RGS5: variants seen among roughly 807,000 people sequenced by gnomAD.
RGS5 encodes regulator of G protein signaling 5, also known as regulator of G-protein signalling 5.
A neutral mutation model predicts 18.9 loss-of-function variants in RGS5; 20 were observed. The ratio of observed to expected loss-of-function variants is 1.06; its 90% CI spans 0.74 to 1.54. The LOEUF is 1.54. Ranked by LOEUF, RGS5 falls within the 40% of genes most tolerant of loss-of-function variation. The probability of loss-of-function intolerance (pLI) is 0.00; values close to 1 mark genes in which losing one functional copy is unlikely to be tolerated. For missense variants in RGS5, 201 were observed against 211.8 expected, an observed-to-expected ratio of 0.95 and a Z score of 0.32; for synonymous variants, 57 against 76.2, an observed-to-expected ratio of 0.75 and a Z score of 1.31.
At chr1:163,207,424 ACAGT>A (rs1453125371), upstream of RGS5, among the ~76,000 whole-genome samples, 1 of 152,224 alleles carries the variant, frequency 6.6e-6, no homozygotes, top group Non-Finnish European at 1.5e-5. Flanking sequence ...AAATTATCAC[ACAGT>A]CAGACCAATT....
chr1:163,286,130 C>T (rs78962765), intron 2 of RGS5, among the ~76,000 whole-genome samples: 3 of 151,676 alleles, frequency 2.0e-5, no homozygotes, highest in African/African-American at 7.3e-5. Context: ...GGAAAAAAAA[C>T]CCCCAATAAA....
At chr1:163,192,053 T>C (rs758367468) in intron 1 of RGS5, among the ~76,000 whole-genome samples, 1 of 152,212 alleles carries the variant, frequency 6.6e-6, no homozygotes, top group Non-Finnish European at 1.5e-5. Flanking sequence ...CCTTGCTCTA[T>C]GTACTTCCTC....
chr1:163,252,252 A>T (rs569043069), intron 2 of RGS5, among the ~76,000 whole-genome samples: 2 of 152,048 alleles, frequency 1.3e-5, no homozygotes, highest in African/African-American at 4.8e-5. Context: ...TTCTTGATGT[A>T]ATGCCTTTCT....
chr1:163,147,089 G>A lies in RGS5; in HGVS notation c.*253C>T. The A allele has an allele frequency of 3.2e-6, 1 of 317,140 alleles. No homozygotes were observed. Among genetic ancestry groups the A allele is most frequent in the Non-Finnish European group, 5.7e-6 (1 of 175,010 alleles). 19.6% of individuals were successfully genotyped at this position (317,140 alleles called of 1,614,324 possible). On this transcript the variant is annotated 3_prime_UTR_variant, in exon 5 of 5. Coordinates refer to ENST00000313961, the MANE Select transcript of RGS5 (RefSeq NM_003617.4). ...AGGATTTTTCTGTGATTCTGATTGT[G>A]TCTGACTACAAGCTGAAGATATCTT...
chr1:163,318,810 T>A (rs1357934336), intron 1 of RGS5: 1 of 152,066 alleles, frequency 6.6e-6, no homozygotes, highest in Non-Finnish European at 1.5e-5. Context: ...TGGTCATACA[T>A]TGGTGGAGGA....
chr1:163,219,953 C>T (rs1020178154), upstream of RGS5, among the ~76,000 whole-genome samples: 3 of 152,076 alleles, frequency 2.0e-5, no homozygotes, highest in Non-Finnish European at 4.4e-5. Context: ...ATTGCTGGGA[C>T]ATGGAGTATA....
At chr1:163,212,423 T>C (rs1310972669) in intron 1 of RGS5, 3 of 152,200 alleles carry the variant, frequency 2.0e-5, no homozygotes, top group Non-Finnish European at 4.4e-5. Context: ...CCTGGAAATA[T>C]TGTCTTAATG....
At chr1:163,148,780 A>G (rs948160847) in intron 4 of RGS5, among the ~76,000 whole-genome samples, 1 of 152,200 alleles carries the variant, frequency 6.6e-6, no homozygotes, top group African/African-American at 2.4e-5. Context: ...TTGGCTGACT[A>G]TGAGTTTAAA....
intron 1 of RGS5, among the ~76,000 whole-genome samples, chr1:163,317,314 T>A (rs975314695): frequency 3.9e-5 from 6 of 152,330 alleles, no homozygotes; most frequent in African/African-American, 1.2e-4. Flanking sequence ...TGTGGATACA[T>A]GACAGCAAAT....
chr1:163,176,447 C>A (rs992545474), intron 1 of RGS5, among the ~76,000 whole-genome samples: 3 of 152,090 alleles, frequency 2.0e-5, no homozygotes, highest in African/African-American at 7.2e-5. Context: ...CATGGTGAAA[C>A]CCCGTCTCTA....
intron 2 of RGS5, among the ~76,000 whole-genome samples, chr1:163,258,457 A>G (rs937814983): frequency 6.6e-6 from 1 of 152,210 alleles, no homozygotes; most frequent in Non-Finnish European, 1.5e-5. Flanking sequence ...TTGTACACAG[A>G]GGCGGAAACA....
At chr1:163,235,176 CTCAT>C (rs1331997254) in intron 2 of RGS5, among the ~76,000 whole-genome samples, 7 of 152,186 alleles carry the variant, frequency 4.6e-5, no homozygotes, top group Non-Finnish European at 5.9e-5. Flanking sequence ...CTTCTACATT[CTCAT>C]TCAATCAGAG....
intron 3 of RGS5, among the ~76,000 whole-genome samples, chr1:163,155,842 C>T (rs1657559572): frequency 6.6e-6 from 1 of 152,074 alleles, no homozygotes; most frequent in South Asian, 2.1e-4. Context: ...GCCAGGCATC[C>T]ACTCTCTAGA....
intron 3 of RGS5, among the ~76,000 whole-genome samples, chr1:163,161,104 ATTATCTATTATAGGAGAGG>A (rs1657780431): frequency 6.6e-6 from 1 of 152,190 alleles, no homozygotes; most frequent in Non-Finnish European, 1.5e-5. Flanking sequence ...TCTTATTTGA[ATTATCTATTATAGGAGAGG>A]GAGAATTTCA....
chr1:163,280,722 C>T (rs1648971175), intron 2 of RGS5, among the ~76,000 whole-genome samples: 1 of 151,958 alleles, frequency 6.6e-6, no homozygotes, highest in African/African-American at 2.4e-5. Context: ...AATTCCTACC[C>T]AAAGTAATCT....
At chr1:163,318,206 G>A (rs12135895) in intron 1 of RGS5, among the ~76,000 whole-genome samples, 7,556 of 152,208 alleles carry the variant, frequency 0.05, 222 homozygotes, top group South Asian at 0.094. Flanking sequence ...GGTAGGATGG[G>A]AGATGGTACT....
rs558220115 is a variant in RGS5, at chr1:163,306,573, C to T, written c.-377-244G>A. ...CCATGTTTTATGGGTTGAATTGTGTCCTCTAAAAGAGATATGTTGAAATCC... is the reference window on the plus strand; with the variant it reads ...CCATGTTTTATGGGTTGAATTGTGTTCTCTAAAAGAGATATGTTGAAATCC... On this transcript the variant is annotated intron_variant, in intron 1 of 5. Transcript: ENST00000618415. Among the ~76,000 whole-genome samples the T allele has an allele frequency of 2.0e-5, 3 of 152,198 alleles. No homozygotes were observed. In the South Asian group the frequency reaches 6.2e-4, roughly 32 times the overall value.
At chr1:163,303,638 T>A (rs1649621330) in intron 2 of RGS5, among the ~76,000 whole-genome samples, 1 of 152,140 alleles carries the variant, frequency 6.6e-6, no homozygotes, top group Non-Finnish European at 1.5e-5. Flanking sequence ...GCTCTATCAG[T>A]CCTTGTTTTT....
intron 2 of RGS5, among the ~76,000 whole-genome samples, chr1:163,269,112 G>A (rs1451427448): frequency 6.6e-6 from 1 of 152,060 alleles, no homozygotes; most frequent in Non-Finnish European, 1.5e-5. Context: ...AAGATAAATT[G>A]CTCTTAGAAA....
Sources: gnomAD v4.1 joint callset for allele counts (sites outside exome capture counted in the v4.1 genomes callset) on GRCh38, gnomAD v4.1.1 for gene constraint, MANE v1.5 for transcripts, NCBI Gene and HGNC (gene_info 2026-07-23, HGNC 2026-07-21) for gene names.